The following CCDC85C variants were observed in gnomAD, a reference collection of about 807,000 sequenced individuals.
CCDC85C encodes the protein coiled-coil domain containing 85C, also known as coiled-coil domain-containing protein 85C.
Under a neutral mutation model 38.3 loss-of-function variants are expected in CCDC85C, and 18 were observed. The observed-to-expected ratio is 0.47, with a 90% CI of 0.33 to 0.70. The LOEUF (loss-of-function observed/expected upper bound fraction) is 0.70, where lower values mean the gene tolerates loss of function less well. Among genes scored for constraint, CCDC85C ranks in the 30% least tolerant of loss-of-function variants. The probability of loss-of-function intolerance (pLI) is 0.03; values close to 1 mark genes in which losing one functional copy is unlikely to be tolerated. For missense variants in CCDC85C, 566 were observed against 621.2 expected (o/e 0.91, Z 0.94); for synonymous variants, 264 against 293.8 (o/e 0.90, Z 1.04).
At chr14:99,591,492 T>C (rs1339228740) in intron 1 of CCDC85C, among the ~76,000 whole-genome samples, 1 of 152,194 alleles carries the variant, frequency 6.6e-6, no homozygotes, top group African/African-American at 2.4e-5. Flanking sequence ...TCCCACATCC[T>C]GTAGTCCAGC....
intron 2 of CCDC85C, chr14:99,534,741 T>A: frequency 1.4e-6 from 1 of 702,140 alleles, no homozygotes; most frequent in Non-Finnish European, 2.6e-6. Flanking sequence ...GGAGCCCCAC[T>A]CCACAGACAG....
intron 1 of CCDC85C, among the ~76,000 whole-genome samples, chr14:99,541,732 C>T (rs189260102): frequency 6.6e-6 from 1 of 152,142 alleles, no homozygotes; most frequent in South Asian, 2.1e-4. Flanking sequence ...GCCGTGGGCT[C>T]AGAAACAGGA....
chr14:99,600,852 A>G (rs759511806), intron 1 of CCDC85C, among the ~76,000 whole-genome samples: 3 of 152,200 alleles, frequency 2.0e-5, no homozygotes, highest in Non-Finnish European at 4.4e-5. Context: ...TAAAGTTACA[A>G]GTCCCAGAAT....
rs1317418422 is a variant in CCDC85C at position 99,500,924 on chromosome 14, A to G, written c.*14322T>C. Reference sequence around the variant, plus strand: ...TTTCATTCTGAAATCAAGTCTTTATAATTTGATGACACTCAAATTACGCTT... The same window carrying G: ...TTTCATTCTGAAATCAAGTCTTTATGATTTGATGACACTCAAATTACGCTT... On this transcript the variant is annotated 3_prime_UTR_variant, in exon 6 of 6. Coordinates refer to ENST00000380243, the MANE Select transcript of CCDC85C (RefSeq NM_001144995.2). The G allele has an allele frequency of 9.0e-7, 1 of 1,112,026 alleles. No homozygotes were observed. The highest frequency in any genetic ancestry group is 2.6e-5 in the East Asian group (1 of 38,748). 68.9% of individuals were successfully genotyped at this position (1,112,026 alleles called of 1,614,324 possible).
Position 99,588,867 on chromosome 14 carries a change from C to T in CCDC85C, c.793+14300G>A, listed in dbSNP as rs1037024828. ...ACAAAAAGGATGGCCTGAGCTCCTA[C>T]AGCTTCCCCAAGTTCCTCCGGGGTC... On this transcript the variant is annotated intron_variant, in intron 1 of 5. Coordinates refer to ENST00000380243, the MANE Select transcript of CCDC85C (RefSeq NM_001144995.2). The surrounding 1 kb of genome is among the most constrained non-coding windows in gnomAD (Gnocchi z 5.0). 6.6e-6 allele frequency among the ~76,000 whole-genome samples: 1 copy of T among 152,110 alleles called. No homozygotes were observed. Among genetic ancestry groups the T allele is most frequent in the African/African-American group, 2.4e-5 (1 of 41,412 alleles).
chr14:99,523,139 TA>T (rs1273700965), intron 2 of CCDC85C, among the ~76,000 whole-genome samples: 4 of 152,002 alleles, frequency 2.6e-5, no homozygotes, highest in Admixed American at 6.5e-5. Context: ...GAATGTCCCA[TA>T]AATCAGCAGG....
chr14:99,563,500 C>T (rs1595088036), intron 1 of CCDC85C, among the ~76,000 whole-genome samples: 2 of 152,254 alleles, frequency 1.3e-5, no homozygotes, highest in East Asian at 3.8e-4. Context: ...CACAACTGGG[C>T]CATCTGGGAA....
intron 1 of CCDC85C, among the ~76,000 whole-genome samples, chr14:99,577,787 T>TCCCC (rs574463622): frequency 9.2e-5 from 13 of 141,242 alleles, no homozygotes; most frequent in South Asian, 2.3e-4. Context: ...CCGTCCTGTA[T>TCCCC]CCCCCATCAG....
At chr14:99,583,426 C>T (rs1285685749) in intron 1 of CCDC85C, among the ~76,000 whole-genome samples, 1 of 148,208 alleles carries the variant, frequency 6.7e-6, no homozygotes, top group Non-Finnish European at 1.5e-5. Context: ...ATCACTTGAA[C>T]GTGGGAGGCG....
chr14:99,544,731 C>T lies in CCDC85C; in HGVS notation c.794-8643G>A, dbSNP rs1457902262. 6.6e-6 allele frequency among the ~76,000 whole-genome samples: 1 copy of T among 152,092 alleles called. No homozygotes were observed. Among genetic ancestry groups the T allele is most frequent in the Non-Finnish European group, 1.5e-5 (1 of 68,012 alleles). On this transcript the variant is annotated intron_variant, in intron 1 of 5. Transcript: ENST00000380243. The surrounding 1 kb of genome is among the most constrained non-coding windows in gnomAD (Gnocchi z 5.3). ...CTCCGAGACCTCGCCTCCAAGGGCA[C>T]CAGATAAGCGCCCAGCCCCAGATGT...
In CCDC85C at chr14:99,515,314, C is replaced by T; in HGVS notation, c.1192G>A (p.Asp398Asn). Residue 398 changes from aspartate (D) to asparagine (N), a missense_variant, in exon 6 of 6, where the codon GAT becomes AAT. By Grantham distance (23) the Asp-to-Asn change is conservative (BLOSUM62 1). Around this residue, in one of 3 missense-constraint regions of CCDC85C, gnomAD observed 286 missense variants for 276.4 expected, o/e 1.03. Transcript: ENST00000380243. ...MCNVVWRKLGDAASSKPSIRQ... is the reference protein window; with the variant it reads ...MCNVVWRKLGNAASSKPSIRQ... The stretch of plus-strand genomic sequence containing the variant: ...ATGGAGGGCTTGGAGCTGGCTGCAT[C>T]TCCCAGCTTTCTCCAGACCACCTGT... The T allele has an allele frequency of 1.3e-6, 2 of 1,550,794 alleles. No homozygotes were observed. Among genetic ancestry groups the T allele is most frequent in the East Asian group, 2.4e-5 (1 of 40,904 alleles).
chr14:99,547,062 T>C (rs1897821731), intron 1 of CCDC85C, among the ~76,000 whole-genome samples: 3 of 152,138 alleles, frequency 2.0e-5, no homozygotes, highest in African/African-American at 4.8e-5. Context: ...TGGTACATGC[T>C]TGTAGGCCCA....
In CCDC85C at chr14:99,513,740, C is replaced by CT; in HGVS notation, c.*1505dup. On this transcript the variant is annotated 3_prime_UTR_variant, in exon 6 of 6. Coordinates refer to ENST00000380243, the MANE Select transcript of CCDC85C (RefSeq NM_001144995.2). ...GCAGCCCCTGGAAGAGCACAGGAGT[C>CT]TGACGAGGACCTGGTGAGGTCCTGG... 1 of 152,386 alleles carries CT rather than the reference C, an allele frequency of 6.6e-6. No homozygotes were observed. The highest frequency in any genetic ancestry group is 1.9e-4 in the East Asian group (1 of 5,172). 9.4% of individuals were successfully genotyped at this position (152,386 alleles called of 1,614,324 possible).
chr14:99,596,860 CG>C (rs1312529718), intron 1 of CCDC85C, among the ~76,000 whole-genome samples: 1 of 152,134 alleles, frequency 6.6e-6, no homozygotes, highest in East Asian at 1.9e-4. Flanking sequence ...ATGGGAGTAG[CG>C]GGGAGCAGCA....
intron 2 of CCDC85C, among the ~76,000 whole-genome samples, chr14:99,528,218 C>T (rs1566762496): frequency 6.6e-6 from 1 of 152,158 alleles, no homozygotes; most frequent in South Asian, 2.1e-4. Flanking sequence ...GCAGCTCTAC[C>T]TGAAGCCAGC....
intron 1 of CCDC85C, among the ~76,000 whole-genome samples, chr14:99,581,370 G>A (rs1355397916): frequency 6.6e-6 from 1 of 152,234 alleles, no homozygotes; most frequent in Non-Finnish European, 1.5e-5. Flanking sequence ...AAAGAACACA[G>A]CCCCTGAAGA....
chr14:99,581,801 C>T lies in CCDC85C; in HGVS notation c.793+21366G>A, dbSNP rs56194396. 2.2e-3 allele frequency among the ~76,000 whole-genome samples: 329 copies of T among 152,330 alleles called. 1 individual carries two copies. Among genetic ancestry groups the T allele is most frequent in the African/African-American group, 7.7e-3 (321 of 41,580 alleles). ...CCAGATGTGAGCAGCTATTTTAAAC[C>T]GTGCCATCTTCGGGCTGCGTGGTGG... On this transcript the variant is annotated intron_variant, in intron 1 of 5. Coordinates refer to ENST00000380243, the MANE Select transcript of CCDC85C (RefSeq NM_001144995.2).
chr14:99,546,538 A>C (rs1444992083), intron 1 of CCDC85C, among the ~76,000 whole-genome samples: 1 of 152,140 alleles, frequency 6.6e-6, no homozygotes, highest in Non-Finnish European at 1.5e-5. Context: ...GCAGCAACAC[A>C]TCTGGACTGT....
At chr14:99,519,911 G>C (rs1595338022) in intron 3 of CCDC85C, among the ~76,000 whole-genome samples, 1 of 152,206 alleles carries the variant, frequency 6.6e-6, no homozygotes, top group Non-Finnish European at 1.5e-5. Context: ...GAGGAAGGGG[G>C]ACGGGAGTGA....
Sources: gnomAD v4.1 joint callset for allele counts (sites outside exome capture counted in the v4.1 genomes callset) on GRCh38, gnomAD v4.1.1 for gene constraint, gnomAD v4.1.1 regional missense constraint, Gnocchi (gnomAD v3.1) non-coding constraint, MANE v1.5 for transcripts, NCBI Gene and HGNC (gene_info 2026-07-23, HGNC 2026-07-21) for gene names.